The following CLSTN2 variants were observed in gnomAD, a reference collection of about 807,000 sequenced individuals.
The protein encoded by CLSTN2 is calsyntenin 2.
In CLSTN2, 48 loss-of-function variants were observed where a neutral mutation model predicts 101.2. That is an observed-to-expected ratio of 0.47 (90% confidence interval 0.38 to 0.60). CLSTN2 has a LOEUF of 0.60. CLSTN2 is among the 20% of genes least tolerant of loss of function. The pLI is 0.00. For missense variants in CLSTN2, 1,160 were observed against 1,238.2 expected, an observed-to-expected ratio of 0.94 and a Z score of 0.95; for synonymous variants, 481 against 463.6, an observed-to-expected ratio of 1.04 and a Z score of -0.48.
intron 2 of CLSTN2, among the ~76,000 whole-genome samples, chr3:140,240,708 A>G (rs2086460088): frequency 1.3e-5 from 2 of 152,180 alleles, no homozygotes; most frequent in Admixed American, 1.3e-4. Flanking sequence ...ACTCTTGCCA[A>G]AGCAGCAGAA....
intron 1 of CLSTN2, among the ~76,000 whole-genome samples, chr3:140,048,113 T>C (rs545133638): frequency 6.4e-4 from 98 of 152,132 alleles, no homozygotes; most frequent in Non-Finnish European, 5.9e-5. Flanking sequence ...AAAATTGTGA[T>C]CAAAATGGGC....
chr3:140,173,385 C>T (rs754390128), intron 1 of CLSTN2, among the ~76,000 whole-genome samples: 2 of 152,214 alleles, frequency 1.3e-5, no homozygotes, highest in Non-Finnish European at 2.9e-5. Flanking sequence ...TTGCAGGGTA[C>T]AGCCTCCCTC....
chr3:140,321,045 T>C (rs1464141211), intron 2 of CLSTN2, among the ~76,000 whole-genome samples: 1 of 152,190 alleles, frequency 6.6e-6, no homozygotes, highest in Non-Finnish European at 1.5e-5. Flanking sequence ...TCTCTCATCT[T>C]TCGCGGGGTA....
intron 2 of CLSTN2, among the ~76,000 whole-genome samples, chr3:140,331,604 G>C (rs891519306): frequency 6.6e-6 from 1 of 152,278 alleles, no homozygotes; most frequent in Non-Finnish European, 1.5e-5. Context: ...AGGATATCTG[G>C]ACATCTTTTT....
intron 1 of CLSTN2, among the ~76,000 whole-genome samples, chr3:140,148,251 T>G (rs896316609): frequency 6.6e-6 from 1 of 151,994 alleles, no homozygotes; most frequent in African/African-American, 2.4e-5. Flanking sequence ...AAACATTGAG[T>G]GCTGTCATCA....
chr3:140,308,866 C>T (rs560380490), intron 2 of CLSTN2, among the ~76,000 whole-genome samples: 38 of 152,322 alleles, frequency 2.5e-4, no homozygotes, highest in South Asian at 1.2e-3. Context: ...CCTCCCTAAG[C>T]GCAGCTCTAA....
intron 2 of CLSTN2, among the ~76,000 whole-genome samples, chr3:140,311,037 G>C (rs985386785): frequency 6.6e-6 from 1 of 152,246 alleles, no homozygotes; most frequent in Middle Eastern, 3.4e-3. Flanking sequence ...GCTAGTCAGA[G>C]AGGCTGAGGA....
At chr3:139,962,711 G>A (rs1282732933) in intron 1 of CLSTN2, among the ~76,000 whole-genome samples, 1 of 152,166 alleles carries the variant, frequency 6.6e-6, no homozygotes, top group Non-Finnish European at 1.5e-5. Context: ...AGATTCATCT[G>A]TTGTTGCATT....
In CLSTN2 at chr3:140,567,314, A is replaced by G. The variant is rs771598109; in HGVS notation, c.*1061A>G. 6.6e-6 allele frequency: 1 copy of G among 152,180 alleles called. No homozygotes were observed. The highest frequency in any genetic ancestry group is 6.5e-5 in the Admixed American group (1 of 15,284). The allele number at this position is 152,180 out of a possible 1,614,324, so 9.4% of individuals were successfully genotyped here. On this transcript the variant is annotated 3_prime_UTR_variant, in exon 17 of 17. Coordinates refer to ENST00000458420, the MANE Select transcript of CLSTN2 (RefSeq NM_022131.3). ...CTCCTATCTTCCCTCTTGAGAAAAT[A>G]CACGCTTTCTGCATGTATTAGAAAC...
chr3:140,000,339 A>G (rs1461732756), intron 1 of CLSTN2, among the ~76,000 whole-genome samples: 2 of 152,166 alleles, frequency 1.3e-5, no homozygotes, highest in African/African-American at 4.8e-5. Context: ...AATATTTTGG[A>G]AGGTTGTTAT....
chr3:140,241,347 G>A (rs943515590), intron 2 of CLSTN2, among the ~76,000 whole-genome samples: 1 of 152,156 alleles, frequency 6.6e-6, no homozygotes, highest in Non-Finnish European at 1.5e-5. Flanking sequence ...TGTTGTGTGA[G>A]GGCTTAAATC....
intron 1 of CLSTN2, among the ~76,000 whole-genome samples, chr3:140,004,802 G>A (rs991700809): frequency 6.6e-6 from 1 of 152,194 alleles, no homozygotes. Flanking sequence ...AAACCCAATG[G>A]AATTGTTTGT....
intron 8 of CLSTN2, among the ~76,000 whole-genome samples, chr3:140,472,563 C>G (rs1933873477): frequency 6.6e-6 from 1 of 152,186 alleles, no homozygotes; most frequent in South Asian, 2.1e-4. Flanking sequence ...AAGACTAGCT[C>G]TTGGCTTCAT....
intron 7 of CLSTN2, among the ~76,000 whole-genome samples, chr3:140,464,445 T>C (rs1204842198): frequency 6.6e-6 from 1 of 152,210 alleles, no homozygotes; most frequent in African/African-American, 2.4e-5. Flanking sequence ...AAAGATTCAA[T>C]GAAGAATTCC....
At chr3:140,203,472 T>TG (rs1559805570) in intron 2 of CLSTN2, among the ~76,000 whole-genome samples, 7 of 143,146 alleles carry the variant, frequency 4.9e-5, no homozygotes, top group Non-Finnish European at 9.2e-5. Flanking sequence ...TTTTTTTTTT[T>TG]TTTTTTTTTT....
chr3:140,533,591 G>C (rs376026698), intron 9 of CLSTN2, among the ~76,000 whole-genome samples: 6 of 151,678 alleles, frequency 4.0e-5, no homozygotes, highest in African/African-American at 1.5e-4. Flanking sequence ...GGTGCTTGTA[G>C]TCCCAGCTAC....
At chr3:140,276,171 G>C (rs1469885256) in intron 2 of CLSTN2, among the ~76,000 whole-genome samples, 1 of 152,106 alleles carries the variant, frequency 6.6e-6, no homozygotes, top group African/African-American at 2.4e-5. Flanking sequence ...CATGGGCATG[G>C]GAACAGTGGA....
At chr3:139,938,106 A>G (rs1173155987) in intron 1 of CLSTN2, among the ~76,000 whole-genome samples, 1 of 142,198 alleles carries the variant, frequency 7.0e-6, no homozygotes, top group Non-Finnish European at 1.5e-5. Flanking sequence ...TGACTTTGCC[A>G]TTTTTAAGGT....
chr3:140,354,166 T>C (rs1262306972), intron 2 of CLSTN2, among the ~76,000 whole-genome samples: 2 of 152,152 alleles, frequency 1.3e-5, no homozygotes, highest in Admixed American at 6.5e-5. Flanking sequence ...GAAAGACCCT[T>C]CTGAAAATGG....
Sources: allele counts gnomAD v4.1 joint callset (sites outside exome capture counted in the v4.1 genomes callset), GRCh38; gene constraint gnomAD v4.1.1; transcripts MANE v1.5; gene names NCBI Gene and HGNC (gene_info 2026-07-23, HGNC 2026-07-21).